The following FRMD4A variants were observed in gnomAD, a reference collection of about 807,000 sequenced individuals.
The protein encoded by FRMD4A is FERM domain containing 4A.
Under a neutral mutation model 129.1 loss-of-function variants are expected in FRMD4A, and 29 were observed. That is an observed-to-expected ratio of 0.22 (90% CI 0.17 to 0.31). FRMD4A has a LOEUF of 0.31. Ranked by LOEUF, FRMD4A falls within the 10% of genes least tolerant of loss-of-function variation. The probability of loss-of-function intolerance (pLI) is 1.00; values close to 1 mark genes in which losing one functional copy is unlikely to be tolerated. For missense variants in FRMD4A, 1,272 were observed against 1,375.8 expected, an observed-to-expected ratio of 0.92 and a Z score of 1.19; for synonymous variants, 634 against 571.6, an observed-to-expected ratio of 1.11 and a Z score of -1.56.
chr10:14,254,982 T>A (rs1345488531), intron 2 of FRMD4A, among the ~76,000 whole-genome samples: 1 of 152,144 alleles, frequency 6.6e-6, no homozygotes, highest in Non-Finnish European at 1.5e-5. Context: ...ACTGCTCAAC[T>A]TCCTATTAAG....
intron 2 of FRMD4A, among the ~76,000 whole-genome samples, chr10:14,093,508 G>T (rs1036268799): frequency 1.3e-5 from 2 of 152,130 alleles, no homozygotes; most frequent in African/African-American, 2.4e-5. Context: ...TAATCATGAG[G>T]TTCACTTGCC....
At chr10:13,840,828 C>T (rs1340714537) in intron 3 of FRMD4A, among the ~76,000 whole-genome samples, 2 of 128,654 alleles carry the variant, frequency 1.6e-5, no homozygotes, top group Admixed American at 1.6e-4. Context: ...GTGGTCTAGG[C>T]CCAGGTGCAA....
intron 2 of FRMD4A, among the ~76,000 whole-genome samples, chr10:14,233,006 T>A (rs1843687592): frequency 6.6e-6 from 1 of 152,196 alleles, no homozygotes; most frequent in Non-Finnish European, 1.5e-5. Context: ...ACAGACTTTT[T>A]GAGACAGGTA....
chr10:14,203,069 G>C (rs1842685660), intron 2 of FRMD4A, among the ~76,000 whole-genome samples: 2 of 152,264 alleles, frequency 1.3e-5, no homozygotes, highest in South Asian at 4.2e-4. Context: ...CACCGTGCCT[G>C]GCCACAAGCT....
chr10:13,798,043 T>A (rs954122468), intron 4 of FRMD4A, among the ~76,000 whole-genome samples: 3 of 152,116 alleles, frequency 2.0e-5, no homozygotes, highest in African/African-American at 7.2e-5. Context: ...TCTAAGAATC[T>A]CCAGTTGGAT....
chr10:13,693,702 C>A, intron 15 of FRMD4A, 196 bp downstream of exon 15: 178 of 563,728 alleles, frequency 3.2e-4, no homozygotes, highest in Middle Eastern at 5.6e-4. Flanking sequence ...TTTTTTTTTT[C>A]CCTTCCACTA....
At chr10:14,316,908 G>A (rs905081642) in intron 2 of FRMD4A, among the ~76,000 whole-genome samples, 3 of 152,176 alleles carry the variant, frequency 2.0e-5, no homozygotes, top group African/African-American at 7.2e-5. Flanking sequence ...TTTTAATTTA[G>A]TTCTTAATGA....
At position 14,176,622 on chromosome 10, in the gene FRMD4A, G is replaced by C. The variant is rs181167584; in HGVS notation, c.45+153436C>G. ...CCCGAGTAGCTGGGATTATAGGCAC[G>C]CACCACCACTCCCAGCTAATTTTTG... is the stretch of plus-strand genomic sequence containing the variant. On this transcript the variant is annotated intron_variant, in intron 2 of 24. Coordinates refer to ENST00000357447, the MANE Select transcript of FRMD4A (RefSeq NM_018027.5). Among the ~76,000 whole-genome samples the C allele has an allele frequency of 3.1e-3, 473 of 151,690 alleles. 2 individuals are homozygous for C. The highest frequency in any genetic ancestry group is 3.9e-3 in the Non-Finnish European group (263 of 67,874).
chr10:14,179,484 T>C (rs979206028), intron 2 of FRMD4A, among the ~76,000 whole-genome samples: 2 of 152,194 alleles, frequency 1.3e-5, no homozygotes, highest in African/African-American at 4.8e-5. Flanking sequence ...TCCTTCCCCC[T>C]TTTTCTCTCT....
At position 13,817,434 on chromosome 10, in the gene FRMD4A, T is replaced by G. The variant is rs12413491; in HGVS notation, c.112-6526A>C. 2.5e-3 allele frequency among the ~76,000 whole-genome samples: 377 copies of G among 152,336 alleles called. 9 individuals carry two copies. Among genetic ancestry groups the G allele is most frequent in the Admixed American group, 0.02 (311 of 15,300 alleles). ...CTAACTAGAATGATCAAAACAGCAC[T>G]TAACGTGTTGCAGGGCTGTAAAGCG... is the stretch of plus-strand genomic sequence containing the variant. On this transcript the variant is annotated intron_variant, in intron 3 of 24. Transcript: ENST00000357447.
chr10:13,966,168 C>T (rs114370243), intron 2 of FRMD4A, among the ~76,000 whole-genome samples: 1,567 of 152,142 alleles, frequency 0.01, 23 homozygotes, highest in Middle Eastern at 0.024. Flanking sequence ...TACAGGTGCC[C>T]GCCATCGTAC....
At chr10:14,130,168 T>C (rs972364538) in intron 2 of FRMD4A, among the ~76,000 whole-genome samples, 1 of 152,226 alleles carries the variant, frequency 6.6e-6, no homozygotes. Flanking sequence ...TTTAGCCAGA[T>C]ACCTTTTGCC....
chr10:13,971,030 C>G (rs753917528), intron 2 of FRMD4A, among the ~76,000 whole-genome samples: 1 of 152,162 alleles, frequency 6.6e-6, no homozygotes, highest in Non-Finnish European at 1.5e-5. Flanking sequence ...CTGTCCCACA[C>G]ACCACATTCC....
rs138466971 is a variant in FRMD4A, at chr10:13,918,726, G to A, written c.46-59814C>T. 1.6e-3 allele frequency among the ~76,000 whole-genome samples: 241 copies of A among 151,934 alleles called. 2 individuals carry two copies. The East Asian group carries it at 0.025, about 16-fold the overall frequency. ...ATATTTTTAGTAGAGATGGGGTTTT[G>A]CCATGTTGGTCAGGCTGGTCTCGAA... On this transcript the variant is annotated intron_variant, in intron 2 of 24. Coordinates refer to ENST00000357447, the MANE Select transcript of FRMD4A (RefSeq NM_018027.5).
At chr10:13,780,607 C>A (rs1303697292) in intron 6 of FRMD4A, among the ~76,000 whole-genome samples, 6 of 152,138 alleles carry the variant, frequency 3.9e-5, no homozygotes, top group Non-Finnish European at 7.3e-5. Flanking sequence ...TACAGGGAAA[C>A]GCAAATCAAA....
At chr10:14,208,314 G>A (rs962237051) in intron 2 of FRMD4A, among the ~76,000 whole-genome samples, 3 of 152,178 alleles carry the variant, frequency 2.0e-5, no homozygotes, top group Admixed American at 6.5e-5. Context: ...GGGATAAAGT[G>A]TGTTGTTCAG....
chr10:14,023,390 G>C (rs576967711), intron 2 of FRMD4A, among the ~76,000 whole-genome samples: 123 of 152,138 alleles, frequency 8.1e-4, no homozygotes, highest in African/African-American at 2.8e-3. Context: ...TTCCCTGAAA[G>C]GTTCCTGAAA....
At chr10:14,320,670 T>G (rs1281473613) in intron 2 of FRMD4A, among the ~76,000 whole-genome samples, 3 of 152,232 alleles carry the variant, frequency 2.0e-5, no homozygotes, top group African/African-American at 7.2e-5. Context: ...TTTTCAGTAC[T>G]TCTTATTTCT....
intron 5 of FRMD4A, among the ~76,000 whole-genome samples, chr10:13,790,649 A>C (rs11258616): frequency 0.12 from 18,675 of 152,138 alleles, 1,431 homozygotes; most frequent in East Asian, 0.2. Context: ...ACATGGGAGC[A>C]GGGCAGAAGC....
Sources: gnomAD v4.1 joint callset for allele counts (sites outside exome capture counted in the v4.1 genomes callset) on GRCh38, gnomAD v4.1.1 for gene constraint, MANE v1.5 for transcripts, NCBI Gene and HGNC (gene_info 2026-07-23, HGNC 2026-07-21) for gene names.